ESRP2: variants seen among roughly 807,000 people sequenced by gnomAD.
ESRP2 encodes RNA binding motif protein 35A.
ESRP2 carries 48 observed loss-of-function variants against 78.6 expected under a neutral mutation model. The observed-to-expected ratio is 0.61, with a 90% CI of 0.48 to 0.78. ESRP2 has a LOEUF of 0.78. Among genes scored for constraint, ESRP2 ranks in the 30% least tolerant of loss-of-function variants. The pLI, the probability that ESRP2 is intolerant of heterozygous loss-of-function variation, is 0.00. For synonymous variants in ESRP2, 383 were observed against 406.7 expected, an observed-to-expected ratio of 0.94 and a Z score of 0.70; for missense variants, 863 against 965.9, an observed-to-expected ratio of 0.89 and a Z score of 1.41.
rs2042104203 is a variant in ESRP2, at chr16:68,229,968, GATGC to G, written c.*254_*257del. 9.3e-6 allele frequency: 5 copies of G among 537,874 alleles called. No individual in the cohort carries two copies. Among genetic ancestry groups the G allele is most frequent in the Non-Finnish European group, 3.3e-6 (1 of 298,556 alleles). The allele number at this position is 537,874 out of a possible 1,614,324, so 33.3% of individuals were successfully genotyped here. A position where few individuals can be genotyped will look rare whatever the true frequency, so the allele number is the denominator to read the frequency against. Reference sequence around the variant, plus strand: ...TAAGGGCTCTCCAGGTGCCAGTCAAGATGCCTGGCTCAGGCCATCAGGAGCTGGT... The same window carrying G: ...TAAGGGCTCTCCAGGTGCCAGTCAAGCTGGCTCAGGCCATCAGGAGCTGGT... On this transcript the variant is annotated 3_prime_UTR_variant, in exon 15 of 15. Coordinates refer to ENST00000473183, the MANE Select transcript of ESRP2 (RefSeq NM_024939.3).
rs2042094029 is a variant in ESRP2 at position 68,229,310 on chromosome 16, C to A, written c.*916G>T. The A allele has an allele frequency of 6.6e-6, 1 of 152,498 alleles. No individual in the cohort carries two copies. Among genetic ancestry groups the A allele is most frequent in the Non-Finnish European group, 1.5e-5 (1 of 68,046 alleles). 9.4% of individuals were successfully genotyped at this position (152,498 alleles called of 1,614,324 possible). A position where few individuals can be genotyped will look rare whatever the true frequency, so the allele number is the denominator to read the frequency against. On this transcript the variant is annotated 3_prime_UTR_variant, in exon 15 of 15. Coordinates refer to ENST00000473183, the MANE Select transcript of ESRP2 (RefSeq NM_024939.3). ...CGCCTGGGGTTGGTGTGGAGCCCCTCACTTTGGGGCAAAGTTAAGGGTCCT... is the reference window on the plus strand; with the variant it reads ...CGCCTGGGGTTGGTGTGGAGCCCCTAACTTTGGGGCAAAGTTAAGGGTCCT...
At chr16:68,233,638 A>C (rs963473887) in intron 4 of ESRP2, 130 bp downstream of exon 4, 20 of 770,002 alleles carry the variant, frequency 2.6e-5, no homozygotes, top group Admixed American at 6.0e-5. Context: ...ACGAAGACAC[A>C]GTACACTCAG....
Position 68,235,538 on chromosome 16 carries a change from G to A in ESRP2, c.327+96C>T. 2 of 1,525,962 alleles carry A rather than the reference G, an allele frequency of 1.3e-6. No homozygotes were observed. The highest frequency in any genetic ancestry group is 1.7e-6 in the Non-Finnish European group (2 of 1,145,556). The allele number at this position is 1,525,962 out of a possible 1,614,324, so 94.5% of individuals were successfully genotyped here. Reference sequence around the variant, plus strand: ...GAGCCCAGTCCTGCCGCCTGGACCGGTTGGTTGCGGCACGCCAGGCCTAGC... The same window carrying A: ...GAGCCCAGTCCTGCCGCCTGGACCGATTGGTTGCGGCACGCCAGGCCTAGC... On this transcript the variant is annotated intron_variant, in intron 2 of 14. Coordinates refer to ENST00000473183, the MANE Select transcript of ESRP2 (RefSeq NM_024939.3). The surrounding 1 kb of genome is among the most constrained non-coding windows in gnomAD (Gnocchi z 5.5).
chr16:68,231,366 G>A lies in ESRP2; in HGVS notation c.1523C>T (p.Ser508Leu), dbSNP rs143677348. 2.2e-5 allele frequency: 36 copies of A among 1,613,984 alleles called. No individual in the cohort carries two copies. Among genetic ancestry groups the A allele is most frequent in the Non-Finnish European group, 2.7e-5 (32 of 1,180,008 alleles). ...HMVLNQQGRP[S>L]GDAFIQMTSA... ...TGTCATCTGAATGAAGGCATCGCCC[G>A]ATGGCCGGCCCTGTGCACACCATCT... Residue 508 changes from serine to leucine, a missense_variant, in exon 12 of 15, where the codon TCG becomes TTG. Coordinates refer to ENST00000473183, the MANE Select transcript of ESRP2 (RefSeq NM_024939.3). This position sits in a 1 kb window ranked among gnomAD's most constrained non-coding sequence, Gnocchi z 6.0.
At position 68,231,673 on chromosome 16, in the gene ESRP2, C is replaced by T. The variant is rs2042142102; in HGVS notation, c.1321G>A (p.Gly441Ser). Residue 441 changes from glycine to serine, a missense_variant, in exon 11 of 15, where the codon GGC becomes AGC. Coordinates refer to ENST00000473183, the MANE Select transcript of ESRP2 (RefSeq NM_024939.3). This position sits in a 1 kb window ranked among gnomAD's most constrained non-coding sequence, Gnocchi z 6.0. ...GCAGTCAGTGTAGGAAGGAGTGGGCCGGATGCATAGCGGTTCAAGACCTAG... is the reference window on the plus strand; with the variant it reads ...GCAGTCAGTGTAGGAAGGAGTGGGCTGGATGCATAGCGGTTCAAGACCTAG... ...VQQVLNRYAS[G>S]PLLPTLTAPL... 2 of 1,610,272 alleles carry T rather than the reference C, an allele frequency of 1.2e-6. No homozygotes were observed. The highest frequency in any genetic ancestry group is 1.7e-6 in the Non-Finnish European group (2 of 1,177,614).
chr16:68,232,457 C>G lies in ESRP2; in HGVS notation c.868G>C (p.Glu290Gln). 5.6e-6 allele frequency: 9 copies of G among 1,614,180 alleles called. No homozygotes were observed. The highest frequency in any genetic ancestry group is 7.6e-6 in the Non-Finnish European group (9 of 1,180,032). ...CTGTCCACAAAGCGGATGAGGGCCT[C>G]GCCATTTCTGCGGCCCTGGGCGTTG... ...CLNAQGRRNG[E>Q]ALIRFVDSEQ... is the part of the protein sequence containing the mutation. The change falls in exon 8 of 15, where the codon GAG (glutamate) becomes CAG (glutamine). Residue 290 changes from glutamate to glutamine, a missense_variant. Glu to Gln is a conservative substitution (Grantham distance 29, BLOSUM62 2). Coordinates refer to ENST00000473183, the MANE Select transcript of ESRP2 (RefSeq NM_024939.3). This position sits in a 1 kb window ranked among gnomAD's most constrained non-coding sequence, Gnocchi z 5.2.
intron 13 of ESRP2, 90 bp from the exon 14 acceptor site, chr16:68,230,644 CTTAA>C: frequency 6.8e-7 from 1 of 1,473,618 alleles, no homozygotes; most frequent in Non-Finnish European, 9.1e-7. Flanking sequence ...CTGCCTTGTG[CTTAA>C]TTCAGTTCCT....
chr16:68,232,373 C>T lies in ESRP2; in HGVS notation c.952G>A (p.Glu318Lys), dbSNP rs764538202. ...CCGCTCCCAGCCCAAAGCCCCACCT[C>T]AATATAGCGGACGCCCATGTGGTGC... ...HKHHMGVRYI[E>K]VYKATGEEFV... The change falls in exon 8 of 15, where the codon GAG becomes AAG. Residue 318 changes from glutamate (E) to lysine (K), a missense_variant and splice_region_variant. Physicochemically the swap from Glu to Lys is moderately conservative, Grantham distance 56 (BLOSUM62 1). Transcript: ENST00000473183. This position sits in a 1 kb window ranked among gnomAD's most constrained non-coding sequence, Gnocchi z 5.2. The T allele has an allele frequency of 1.2e-6, 2 of 1,613,940 alleles. No homozygotes were observed. The highest frequency in any genetic ancestry group is 2.2e-5 in the East Asian group (1 of 44,888).
In ESRP2 at chr16:68,230,055, A is replaced by G; in HGVS notation, c.*171T>C. 1.6e-6 allele frequency: 1 copy of G among 641,628 alleles called. No individual in the cohort carries two copies. Among genetic ancestry groups the G allele is most frequent in the Non-Finnish European group, 2.8e-6 (1 of 362,662 alleles). 39.7% of individuals were successfully genotyped at this position (641,628 alleles called of 1,614,324 possible). A position where few individuals can be genotyped will look rare whatever the true frequency, so the allele number is the denominator to read the frequency against. On this transcript the variant is annotated 3_prime_UTR_variant, in exon 15 of 15. Coordinates refer to ENST00000473183, the MANE Select transcript of ESRP2 (RefSeq NM_024939.3). ...GGTCCAGCCATTGTCTTTGGGGGAA[A>G]CAGGCAGAATAAGTGGAGGATGGAG...
At position 68,231,228 on chromosome 16, in the gene ESRP2, C is replaced by G. The variant is rs1174314411; in HGVS notation, c.1661G>C (p.Gly554Ala). Residue 554 changes from glycine to alanine, a missense_variant, in exon 12 of 15, where the codon GGG (glycine) becomes GCG (alanine). Coordinates refer to ENST00000473183, the MANE Select transcript of ESRP2 (RefSeq NM_024939.3). This position sits in a 1 kb window ranked among gnomAD's most constrained non-coding sequence, Gnocchi z 6.0. ...STEEMSRVLM[G>A]GTLGRSGMSP... is the part of the protein sequence containing the mutation. ...CATGCCACTGCGGCCCAAGGTGCCC[C>G]CCATCAGCACTCGGCTCATCTCCTC... The G allele has an allele frequency of 6.2e-7, 1 of 1,613,914 alleles. No individual in the cohort carries two copies. The highest frequency in any genetic ancestry group is 8.5e-7 in the Non-Finnish European group (1 of 1,179,974).
chr16:68,231,523 C>T lies in ESRP2; in HGVS notation c.1471G>A (p.Asp491Asn), dbSNP rs2042139985. The change falls in exon 11 of 15, where the codon GAC (aspartate) becomes AAC (asparagine). Residue 491 changes from aspartate (D) to asparagine (N), a missense_variant. Transcript: ENST00000473183. The surrounding 1 kb of genome is among the most constrained non-coding windows in gnomAD (Gnocchi z 6.0). ...ATGTGTACACCGTGGGGCCGAATGT[C>T]AGCTGCTGCCTCCCCCAGAAAGCTC... is the stretch of plus-strand genomic sequence containing the variant. Reference protein sequence around the residue: ...ILSFLGEAAADIRPHGVHMVL... With the variant: ...ILSFLGEAAANIRPHGVHMVL... 3 of 1,614,118 alleles carry T rather than the reference C, an allele frequency of 1.9e-6. No individual in the cohort carries two copies. Among genetic ancestry groups the T allele is most frequent in the Non-Finnish European group, 1.7e-6 (2 of 1,180,004 alleles).
chr16:68,231,862 C>T lies in ESRP2; in HGVS notation c.1239G>A (p.Lys413=). The change falls in exon 10 of 15, where the codon AAG becomes AAA. Residue 413 remains lysine (K), a synonymous_variant. Coordinates refer to ENST00000473183, the MANE Select transcript of ESRP2 (RefSeq NM_024939.3). The surrounding 1 kb of genome is among the most constrained non-coding windows in gnomAD (Gnocchi z 6.0). The part of the protein sequence containing the change: ...ELAQAALRRH[K]GMLGKRYIEL... ...CAATGTATCGCTTACCCAGCATGCC[C>T]TTGTGCCTGCGCAGTGCAGCCTGTG... is the stretch of plus-strand genomic sequence containing the variant. 6.2e-7 allele frequency: 1 copy of T among 1,614,000 alleles called. No homozygotes were observed. Among genetic ancestry groups the T allele is most frequent in the Non-Finnish European group, 8.5e-7 (1 of 1,179,990 alleles).
chr16:68,235,326 C>A lies in ESRP2; in HGVS notation c.327+308G>T. The A allele has an allele frequency of 1.4e-5, 14 of 985,304 alleles. No homozygotes were observed. The highest frequency in any genetic ancestry group is 1.7e-5 in the Non-Finnish European group (14 of 829,888). The allele number at this position is 985,304 out of a possible 1,614,324, so 61.0% of individuals were successfully genotyped here. ...CTCAGGGAGACCTGACCCAGCAGGT[C>A]TCCCAAAGGCGTCTCGGCCTCGCTC... On this transcript the variant is annotated intron_variant, in intron 2 of 14. Coordinates refer to ENST00000473183, the MANE Select transcript of ESRP2 (RefSeq NM_024939.3). This position sits in a 1 kb window ranked among gnomAD's most constrained non-coding sequence, Gnocchi z 5.5.
chr16:68,230,378 C>T lies in ESRP2; in HGVS notation c.2064+11G>A. The T allele has an allele frequency of 1.2e-6, 2 of 1,614,044 alleles. No homozygotes were observed. Among genetic ancestry groups the T allele is most frequent in the Non-Finnish European group, 1.7e-6 (2 of 1,179,926 alleles). On this transcript the variant is annotated intron_variant, in intron 14 of 14. Transcript: ENST00000473183. Reference sequence around the variant, plus strand: ...CCAGACCCGCCAGGCCCTCCGGCCACACAATCTCACCTGGTAGGCCTGGAA... The same window carrying T: ...CCAGACCCGCCAGGCCCTCCGGCCATACAATCTCACCTGGTAGGCCTGGAA...
rs758778671 is a variant in ESRP2, at chr16:68,235,901, C to T, written c.145G>A (p.Glu49Lys). Residue 49 changes from glutamate to lysine, a missense_variant, in exon 1 of 15, where the codon GAG becomes AAG. Coordinates refer to ENST00000473183, the MANE Select transcript of ESRP2 (RefSeq NM_024939.3). The surrounding 1 kb of genome is among the most constrained non-coding windows in gnomAD (Gnocchi z 5.5). The part of the protein sequence containing the change: ...GALGRDLGSD[E>K]TDLILLVWQV... ...CAAACTAGGAGGATTAAGTCGGTCT[C>T]GTCCGAGCCCAGGTCCCGTCCCAGC... 10 of 1,610,608 alleles carry T rather than the reference C, an allele frequency of 6.2e-6. No individual in the cohort carries two copies. The highest frequency in any genetic ancestry group is 2.2e-5 in the East Asian group (1 of 44,764).
chr16:68,234,235 G>T, intron 2 of ESRP2, 128 bp from the exon 3 acceptor site: 2 of 693,604 alleles, frequency 2.9e-6, no homozygotes, highest in South Asian at 1.8e-5. Context: ...TCCTGCCTGG[G>T]AATAAGAGGC....
rs753956951 is a variant in ESRP2, at chr16:68,231,533, C to G, written c.1461G>C (p.Glu487Asp). The G allele has an allele frequency of 6.2e-7, 1 of 1,614,126 alleles. No individual in the cohort carries two copies. The highest frequency in any genetic ancestry group is 2.2e-5 in the East Asian group (1 of 44,880). Residue 487 changes from glutamate to aspartate, a missense_variant, in exon 11 of 15, where the codon GAG becomes GAC. By Grantham distance (45) the Glu-to-Asp change is conservative. Coordinates refer to ENST00000473183, the MANE Select transcript of ESRP2 (RefSeq NM_024939.3). This position sits in a 1 kb window ranked among gnomAD's most constrained non-coding sequence, Gnocchi z 6.0. The stretch of plus-strand genomic sequence containing the variant: ...CGTGGGGCCGAATGTCAGCTGCTGC[C>G]TCCCCCAGAAAGCTCAGGATGTCTT... ...TIEDILSFLGEAAADIRPHGV... is the reference protein window; with the variant it reads ...TIEDILSFLGDAAADIRPHGV...
Position 68,233,406 on chromosome 16 carries a change from ATC to A in ESRP2, c.574_575del (p.Asp192CysfsTer5). The A allele has an allele frequency of 6.2e-7, 1 of 1,613,948 alleles. No homozygotes were observed. Among genetic ancestry groups the A allele is most frequent in the Non-Finnish European group, 8.5e-7 (1 of 1,179,804 alleles). ...AGACCCCAAAGTCATCCTCTGTGGC[ATC>A]TGTCTCCAGTCCTAAACCTATGGGC... is the stretch of plus-strand genomic sequence containing the variant. The part of the protein sequence containing the change: ...TMAQGLGLET[D>X]ATEDDFGVWE... On this transcript the variant is annotated frameshift_variant, in exon 5 of 15. Coordinates refer to ENST00000473183, the MANE Select transcript of ESRP2 (RefSeq NM_024939.3). LOFTEE classifies it high-confidence loss of function.
At position 68,233,894 on chromosome 16, in the gene ESRP2, T is replaced by G. The variant is rs1247166300; in HGVS notation, c.442-12A>C. 2 of 1,611,454 alleles carry G rather than the reference T, an allele frequency of 1.2e-6. No homozygotes were observed. The highest frequency in any genetic ancestry group is 2.7e-5 in the African/African-American group (2 of 74,804). ...GGGAGCACCAGGTTCTGGGGGCACA[T>G]AGGATTGAGGATGAGCGCCCTGCCC... On this transcript the variant is annotated splice_polypyrimidine_tract_variant and intron_variant, in intron 3 of 14. Coordinates refer to ENST00000473183, the MANE Select transcript of ESRP2 (RefSeq NM_024939.3).
Sources: allele counts gnomAD v4.1 joint callset, GRCh38; gene constraint gnomAD v4.1.1; non-coding constraint Gnocchi (gnomAD v3.1); transcripts MANE v1.5; gene names NCBI Gene and HGNC (gene_info 2026-07-23, HGNC 2026-07-21).